Variants in RGS7BP observed in about 807,000 individuals in gnomAD.
RGS7BP encodes the protein regulator of G protein signaling 7-binding protein.
A neutral mutation model predicts 31.3 loss-of-function variants in RGS7BP; 9 were observed. That is an observed-to-expected ratio of 0.29 (90% CI 0.17 to 0.50). The LOEUF (loss-of-function observed/expected upper bound fraction) is 0.50. Ranked by LOEUF, RGS7BP falls within the 20% of genes least tolerant of loss-of-function variation. The pLI is 0.98. For missense variants in RGS7BP, 274 were observed against 322.0 expected, an observed-to-expected ratio of 0.85 and a Z score of 1.14; for synonymous variants, 115 against 120.1, an observed-to-expected ratio of 0.96 and a Z score of 0.28.
At chr5:64,517,039 C>T (rs1385898918) in intron 2 of RGS7BP, among the ~76,000 whole-genome samples, 1 of 150,886 alleles carries the variant, frequency 6.6e-6, no homozygotes, top group Non-Finnish European at 1.5e-5. Context: ...AAAAAAAGTC[C>T]TAGGTTGGGC....
At chr5:64,539,451 C>T (rs1005614391) in intron 2 of RGS7BP, 1 of 152,146 alleles carries the variant, frequency 6.6e-6, no homozygotes. Flanking sequence ...TTTGTCTAAT[C>T]TAAGGCTACA....
chr5:64,594,135 G>T (rs551101138), intron 3 of RGS7BP, among the ~76,000 whole-genome samples: 1 of 152,106 alleles, frequency 6.6e-6, no homozygotes, highest in Non-Finnish European at 1.5e-5. Context: ...TGGTCTCAGC[G>T]GTGTAAGGCT....
intron 2 of RGS7BP, among the ~76,000 whole-genome samples, chr5:64,573,973 C>T (rs1742360139): frequency 6.6e-6 from 1 of 151,956 alleles, no homozygotes; most frequent in Non-Finnish European, 1.5e-5. Context: ...GCCTATGAGC[C>T]ACCAGGGCCA....
Position 64,527,086 on chromosome 5 carries a change from T to C in RGS7BP, c.332+19209T>C, listed in dbSNP as rs374102206. 1.5e-4 allele frequency among the ~76,000 whole-genome samples: 23 copies of C among 152,354 alleles called. No individual in the cohort carries two copies. The East Asian group carries it at 2.7e-3, about 18-fold the overall frequency. On this transcript the variant is annotated intron_variant, in intron 2 of 5. Transcript: ENST00000334025. Reference sequence around the variant, plus strand: ...GGACCAAGAAGTTACCAGAGTAACATACTCGGGTCCAGTTAGCTCAAGAAA... The same window carrying C: ...GGACCAAGAAGTTACCAGAGTAACACACTCGGGTCCAGTTAGCTCAAGAAA...
At chr5:64,597,734 A>G (rs1478391035) in intron 4 of RGS7BP, among the ~76,000 whole-genome samples, 1 of 151,918 alleles carries the variant, frequency 6.6e-6, no homozygotes, top group East Asian at 1.9e-4. Context: ...AATGATAGAC[A>G]TCAGAGACTC....
At chr5:64,607,770 G>A (rs1367291631) in intron 5 of RGS7BP, among the ~76,000 whole-genome samples, 1 of 151,906 alleles carries the variant, frequency 6.6e-6, no homozygotes, top group African/African-American at 2.4e-5. Context: ...AGGATATAAT[G>A]AAGAATGTTC....
chr5:64,547,472 T>C (rs935614067), intron 2 of RGS7BP, among the ~76,000 whole-genome samples: 2 of 152,224 alleles, frequency 1.3e-5, no homozygotes, highest in African/African-American at 2.4e-5. Flanking sequence ...GCTTCTCAGC[T>C]GGTACTTATA....
chr5:64,523,871 A>G (rs185090873), intron 2 of RGS7BP, among the ~76,000 whole-genome samples: 34 of 152,340 alleles, frequency 2.2e-4, no homozygotes, highest in East Asian at 9.6e-4. Context: ...ACAAATGCAA[A>G]TTATCATATG....
At chr5:64,605,969 A>G (rs1743346707) in intron 5 of RGS7BP, among the ~76,000 whole-genome samples, 1 of 146,550 alleles carries the variant, frequency 6.8e-6, no homozygotes, top group African/African-American at 2.5e-5. Context: ...TATGCTATAT[A>G]TATGTATATC....
rs76429250 is a variant in RGS7BP at position 64,599,593 on chromosome 5, C to A, written c.682+1158C>A. 6.0e-3 allele frequency among the ~76,000 whole-genome samples: 915 copies of A among 152,346 alleles called. 8 individuals are homozygous for A. Among genetic ancestry groups the A allele is most frequent in the African/African-American group, 0.021 (862 of 41,582 alleles). On this transcript the variant is annotated intron_variant, in intron 5 of 5. Coordinates refer to ENST00000334025, the MANE Select transcript of RGS7BP (RefSeq NM_001029875.3). ...CAGCACATCAGATAGCTCAGAACAT[C>A]CCCTGAAGGGGCCTGGTCACAAAGG...
At chr5:64,561,338 C>G (rs1473035328) in intron 2 of RGS7BP, among the ~76,000 whole-genome samples, 2 of 152,108 alleles carry the variant, frequency 1.3e-5, no homozygotes, top group Non-Finnish European at 2.9e-5. Flanking sequence ...AATGTATGCT[C>G]TCAATAACTA....
chr5:64,530,471 C>G (rs751410123), intron 2 of RGS7BP, among the ~76,000 whole-genome samples: 3 of 152,112 alleles, frequency 2.0e-5, no homozygotes, highest in Non-Finnish European at 4.4e-5. Flanking sequence ...TATTTTTATT[C>G]TTGTGTAATA....
chr5:64,589,924 CAAAAA>C (rs77321289), intron 3 of RGS7BP, among the ~76,000 whole-genome samples: 1 of 104,400 alleles, frequency 9.6e-6, no homozygotes, highest in Non-Finnish European at 2.0e-5. Flanking sequence ...GACCCTGACT[CAAAAA>C]AAAAAAAAAA....
chr5:64,556,434 C>T (rs1173307086), intron 2 of RGS7BP, among the ~76,000 whole-genome samples: 2 of 143,968 alleles, frequency 1.4e-5, no homozygotes, highest in Non-Finnish European at 3.0e-5. Flanking sequence ...CACACACACA[C>T]ACACACACAC....
rs1162422947 is a variant in RGS7BP, at chr5:64,610,504, A to T, written c.*1252A>T. The T allele has an allele frequency of 6.6e-6, 1 of 151,934 alleles. No individual in the cohort carries two copies. Among genetic ancestry groups the T allele is most frequent in the Non-Finnish European group, 1.5e-5 (1 of 67,904 alleles). 9.4% of individuals were successfully genotyped at this position (151,934 alleles called of 1,614,324 possible). ...TTTTTTCTTGTTTTCCATAGTCTGA[A>T]AAACCTTCAAGTCAGACAGGAGGCA... On this transcript the variant is annotated 3_prime_UTR_variant, in exon 6 of 6. Coordinates refer to ENST00000334025, the MANE Select transcript of RGS7BP (RefSeq NM_001029875.3).
chr5:64,560,076 G>A (rs1170109321), intron 2 of RGS7BP, among the ~76,000 whole-genome samples: 1 of 152,074 alleles, frequency 6.6e-6, no homozygotes, highest in Non-Finnish European at 1.5e-5. Flanking sequence ...ATTTAATAAG[G>A]CACTACATAT....
rs569154567 is a variant in RGS7BP at position 64,560,749 on chromosome 5, C to T, written c.333-15025C>T. ...TATATTTGCATTAATAATCTTCTCA[C>T]TTCTAAAATGCTTTGCAAATAATTT... On this transcript the variant is annotated intron_variant, in intron 2 of 5. Coordinates refer to ENST00000334025, the MANE Select transcript of RGS7BP (RefSeq NM_001029875.3). Among the ~76,000 whole-genome samples, 6 of 152,204 alleles carry T rather than the reference C, an allele frequency of 3.9e-5. No homozygotes were observed. In the South Asian group the frequency reaches 1.2e-3, roughly 32 times the overall value.
At chr5:64,600,178 A>C (rs902580883) in intron 5 of RGS7BP, among the ~76,000 whole-genome samples, 12 of 152,104 alleles carry the variant, frequency 7.9e-5, no homozygotes, top group African/African-American at 2.9e-4. Context: ...CAGTGTCTTA[A>C]TAGGTTTGGC....
At chr5:64,564,527 A>G (rs1179596728) in intron 2 of RGS7BP, among the ~76,000 whole-genome samples, 2 of 152,200 alleles carry the variant, frequency 1.3e-5, no homozygotes, top group Non-Finnish European at 2.9e-5. Flanking sequence ...TGAGAAGGGT[A>G]CAGATTGTGA....
Sources: gnomAD v4.1 joint callset for allele counts (sites outside exome capture counted in the v4.1 genomes callset) on GRCh38, gnomAD v4.1.1 for gene constraint, MANE v1.5 for transcripts, NCBI Gene and HGNC (gene_info 2026-07-23, HGNC 2026-07-21) for gene names.